The following CCNL1 variants were observed in gnomAD, a reference collection of about 807,000 sequenced individuals.
CCNL1 encodes cyclin-L1.
In CCNL1, 13 loss-of-function variants were observed where a neutral mutation model predicts 60.6. The ratio of observed to expected loss-of-function variants is 0.21; its 90% CI spans 0.14 to 0.34. The LOEUF is 0.34. Ranked by LOEUF, CCNL1 falls within the 10% of genes least tolerant of loss-of-function variation. The probability of loss-of-function intolerance (pLI) is 1.00; values close to 1 mark genes in which losing one functional copy is unlikely to be tolerated. For synonymous variants in CCNL1, 270 were observed against 244.3 expected (o/e 1.10, Z -0.98); for missense variants, 481 against 664.3 (o/e 0.72, Z 3.03).
chr3:157,160,038 G>C lies in CCNL1; in HGVS notation c.57C>G (p.Ala19=), dbSNP rs1329772238. Residue 19 remains alanine, a synonymous_variant, in exon 1 of 11, where the codon GCC becomes GCG. Transcript: ENST00000295926. ...ATAAAAASSA[A]PSAGGSSSGT... ...CGGAGCTGGAGCCGCCCGCGCTTGGGGCGGCCGATGAGGCGGCTGCGGCAG... is the reference window on the plus strand; with the variant it reads ...CGGAGCTGGAGCCGCCCGCGCTTGGCGCGGCCGATGAGGCGGCTGCGGCAG... 7 of 1,566,270 alleles carry C rather than the reference G, an allele frequency of 4.5e-6. No homozygotes were observed. In the Admixed American group the frequency reaches 7.6e-5, roughly 17 times the overall value.
downstream of CCNL1, among the ~76,000 whole-genome samples, chr3:157,143,948 C>CAA: frequency 1.3e-5 from 2 of 152,160 alleles, no homozygotes; most frequent in Non-Finnish European, 2.9e-5. Context: ...TTAAATAGAT[C>CAA]ATTTTACCTA....
Position 157,148,439 on chromosome 3 carries a change from G to C in CCNL1, c.1383C>G (p.Asn461Lys). Residue 461 changes from asparagine to lysine, a missense_variant, in exon 11 of 11, where the codon AAC becomes AAG. Coordinates refer to ENST00000295926, the MANE Select transcript of CCNL1 (RefSeq NM_020307.4). ...ATTTTTTCCTTTTATGACCATGTCT[G>C]TTTGAACTTTTTAAATCATCTCTGG... The part of the protein sequence containing the change: ...KHTRDDLKSS[N>K]RHGHKRKKSR... The C allele has an allele frequency of 6.2e-7, 1 of 1,614,132 alleles. No homozygotes were observed. The highest frequency in any genetic ancestry group is 8.5e-7 in the Non-Finnish European group (1 of 1,180,020).
rs751136187 is a variant in CCNL1 at position 157,160,057 on chromosome 3, G to A, written c.38C>T (p.Ala13Val). 1 of 1,559,890 alleles carries A rather than the reference G, an allele frequency of 6.4e-7. No individual in the cohort carries two copies. The highest frequency in any genetic ancestry group is 1.2e-5 in the South Asian group (1 of 84,908). The change falls in exon 1 of 11, where the codon GCA becomes GTA. Residue 13 changes from alanine to valine, a missense_variant. This residue lies in a region of CCNL1 where 65 missense variants were observed against 57.5 expected (regional missense o/e 1.13). Transcript: ENST00000295926. ...SGPHSTATAA[A>V]AASSAAPSAG... is the part of the protein sequence containing the mutation. ...GCTTGGGGCGGCCGATGAGGCGGCT[G>A]CGGCAGCAGTAGCTGTCGAATGAGG...
chr3:157,150,041 C>T, intron 7 of CCNL1, 24 bp downstream of exon 7: 1 of 1,607,546 alleles, frequency 6.2e-7, no homozygotes, highest in Middle Eastern at 1.7e-4. Context: ...AGCATGTTGG[C>T]ACAAACGAGT....
Position 157,148,357 on chromosome 3 carries a change from T to A in CCNL1, c.1465A>T (p.Arg489Trp). Residue 489 changes from arginine (R) to tryptophan (W), a missense_variant, in exon 11 of 11, where the codon AGG becomes TGG. Around this residue, in one of 5 missense-constraint regions of CCNL1, gnomAD observed 197 missense variants for 233.9 expected, o/e 0.84. Coordinates refer to ENST00000295926, the MANE Select transcript of CCNL1 (RefSeq NM_020307.4). Reference sequence around the variant, plus strand: ...TCCCTATGATGTCCCCTTTCATGCCTGTGTTTCTTGGCTGCATCTGAGTGA... The same window carrying A: ...TCCCTATGATGTCCCCTTTCATGCCAGTGTTTCTTGGCTGCATCTGAGTGA... ...RDHSDAAKKH[R>W]HERGHHRDRR... 6.2e-7 allele frequency: 1 copy of A among 1,614,198 alleles called. No individual in the cohort carries two copies. Among genetic ancestry groups the A allele is most frequent in the Non-Finnish European group, 8.5e-7 (1 of 1,180,036 alleles).
At chr3:157,148,961 T>G in intron 10 of CCNL1, 1 of 334,464 alleles carries the variant, frequency 3.0e-6, no homozygotes, top group South Asian at 5.9e-5. Context: ...TATTGGTTAT[T>G]AATAAGGGGT....
rs1051493029 is a variant in CCNL1, at chr3:157,147,868, A to T, written c.*373T>A. On this transcript the variant is annotated 3_prime_UTR_variant, in exon 11 of 11. Coordinates refer to ENST00000295926, the MANE Select transcript of CCNL1 (RefSeq NM_020307.4). ...CACATGCAGACAAACCAGTGTTAAG[A>T]AAGTATTCACCATCATTTAAACAAA... 1 of 996,780 alleles carries T rather than the reference A, an allele frequency of 1.0e-6. No individual in the cohort carries two copies. Among genetic ancestry groups the T allele is most frequent in the Admixed American group, 6.0e-5 (1 of 16,664 alleles). The allele number at this position is 996,780 out of a possible 1,614,324, so 61.7% of individuals were successfully genotyped here.
chr3:157,147,751 A>C lies in CCNL1; in HGVS notation c.*490T>G. 1 of 983,442 alleles carries C rather than the reference A, an allele frequency of 1.0e-6. No homozygotes were observed. Among genetic ancestry groups the C allele is most frequent in the Non-Finnish European group, 1.2e-6 (1 of 828,056 alleles). 60.9% of individuals were successfully genotyped at this position (983,442 alleles called of 1,614,324 possible). ...ACCAGTACAGCCATTTTGCTATTAA[A>C]ATTTTCCTTTTTAATAATTTATTTA... On this transcript the variant is annotated 3_prime_UTR_variant, in exon 11 of 11. Coordinates refer to ENST00000295926, the MANE Select transcript of CCNL1 (RefSeq NM_020307.4).
intron 3 of CCNL1, among the ~76,000 whole-genome samples, chr3:157,154,971 T>TAC (rs1177822468): frequency 2.6e-5 from 4 of 151,972 alleles, no homozygotes; most frequent in African/African-American, 7.3e-5. Flanking sequence ...CATACATACA[T>TAC]ATAAACATAT....
intron 3 of CCNL1, chr3:157,154,199 G>A (rs1166332936): frequency 6.6e-6 from 1 of 152,146 alleles, no homozygotes; most frequent in African/African-American, 2.4e-5. Context: ...TCTTATTTAT[G>A]TCATACAATT....
At chr3:157,151,609 G>A (rs913885062) in intron 5 of CCNL1, 3 of 987,472 alleles carry the variant, frequency 3.0e-6, no homozygotes, top group Non-Finnish European at 3.6e-6. Flanking sequence ...TAAAAATTTA[G>A]TCAAACTCCT....
chr3:157,149,749 C>A, intron 8 of CCNL1, 87 bp downstream of exon 8: 1 of 1,522,042 alleles, frequency 6.6e-7, no homozygotes, highest in Non-Finnish European at 8.9e-7. Context: ...CATCATTTTT[C>A]TCTATGCAAC....
rs574972915 is a variant in CCNL1, at chr3:157,150,934, T to C, written c.675-553A>G. 2.3e-3 allele frequency: 2,229 copies of C among 982,152 alleles called. 3 individuals are homozygous for C. The highest frequency in any genetic ancestry group is 3.7e-3 in the Middle Eastern group (7 of 1,906). The allele number at this position is 982,152 out of a possible 1,614,324, so 60.8% of individuals were successfully genotyped here. A position where few individuals can be genotyped will look rare whatever the true frequency, so the allele number is the denominator to read the frequency against. On this transcript the variant is annotated intron_variant, in intron 5 of 10. Transcript: ENST00000295926. ...GGAAATAAAGAGCAATAAACACATA[T>C]AATGGCCTTGTTTACATACCTTTTT...
At chr3:157,148,655 C>T in intron 10 of CCNL1, 66 bp from the exon 11 acceptor site, 2 of 1,415,644 alleles carry the variant, frequency 1.4e-6, no homozygotes, top group Non-Finnish European at 1.9e-6. Context: ...CCGGTGGTTG[C>T]TCATAACAGG....
chr3:157,151,961 G>C (rs1259036365), intron 5 of CCNL1: 1 of 1,351,276 alleles, frequency 7.4e-7, no homozygotes, highest in East Asian at 3.4e-5. Flanking sequence ...AAAGAACAAA[G>C]TTAAATTGAG....
downstream of CCNL1, chr3:157,146,718 CAA>C: frequency 3.0e-6 from 1 of 334,942 alleles, no homozygotes; most frequent in Non-Finnish European, 5.9e-6. Context: ...GTAGGGGAAG[CAA>C]ACTGTTCAGC....
Position 157,152,290 on chromosome 3 carries a change from C to T in CCNL1, c.610-49G>A, listed in dbSNP as rs112637961. The T allele has an allele frequency of 2.5e-4, 400 of 1,581,082 alleles. No individual in the cohort carries two copies. The African/African-American group carries it at 3.0e-3, about 12-fold the overall frequency. On this transcript the variant is annotated intron_variant, in intron 4 of 10. Coordinates refer to ENST00000295926, the MANE Select transcript of CCNL1 (RefSeq NM_020307.4). ...CAATTCAGTATACTGGTAGTTCTTTCGGAGTAGAGTTCAATGAAAAAAGTA... is the reference window on the plus strand; with the variant it reads ...CAATTCAGTATACTGGTAGTTCTTTTGGAGTAGAGTTCAATGAAAAAAGTA...
intron 5 of CCNL1, 38 bp downstream of exon 5, chr3:157,152,139 T>C (rs1738240299): frequency 6.3e-7 from 1 of 1,598,264 alleles, no homozygotes. Context: ...CTGCTTCTGT[T>C]TTCCTGGCTA....
At chr3:157,151,291 A>C (rs760568501) in intron 5 of CCNL1, 15 of 985,612 alleles carry the variant, frequency 1.5e-5, no homozygotes, top group Non-Finnish European at 1.8e-5. Flanking sequence ...TTACTTCACT[A>C]AGTCCTTCAC....
Sources: gnomAD v4.1 joint callset for allele counts (sites outside exome capture counted in the v4.1 genomes callset) on GRCh38, gnomAD v4.1.1 for gene constraint, gnomAD v4.1.1 regional missense constraint, MANE v1.5 for transcripts, NCBI Gene and HGNC (gene_info 2026-07-23, HGNC 2026-07-21) for gene names.